Variants in COG5 observed in about 807,000 individuals in gnomAD.
The protein encoded by COG5 is conserved oligomeric Golgi complex subunit 5.
Under a neutral mutation model 110.4 loss-of-function variants are expected in COG5, and 86 were observed. The observed-to-expected ratio is 0.78, with a 90% CI of 0.65 to 0.93. The LOEUF (loss-of-function observed/expected upper bound fraction) is 0.93. Ranked by LOEUF, COG5 falls within the 40% of genes least tolerant of loss-of-function variation. The pLI is 0.00. For missense variants in COG5, 1,077 were observed against 987.0 expected, an observed-to-expected ratio of 1.09 and a Z score of -1.22; for synonymous variants, 360 against 334.6, an observed-to-expected ratio of 1.08 and a Z score of -0.83.
At chr7:107,430,841 T>C (rs1456191081) in intron 6 of COG5, among the ~76,000 whole-genome samples, 2 of 152,086 alleles carry the variant, frequency 1.3e-5, no homozygotes, top group South Asian at 2.1e-4. Flanking sequence ...GAGGTTATCC[T>C]GGATAGGCCC....
chr7:107,449,007 A>C (rs147121309), intron 6 of COG5, among the ~76,000 whole-genome samples: 89 of 152,338 alleles, frequency 5.8e-4, no homozygotes, highest in African/African-American at 2.0e-3. Flanking sequence ...CACCATTCAC[A>C]GTTGAGAAAA....
chr7:107,380,437 GA>G (rs950308409), intron 7 of COG5, among the ~76,000 whole-genome samples: 1 of 152,004 alleles, frequency 6.6e-6, no homozygotes, highest in African/African-American at 2.4e-5. Context: ...AAGAAGAAAA[GA>G]AAGAAGAATC....
chr7:107,202,371 T>C lies in COG5; in HGVS notation c.*1145A>G, dbSNP rs569879796. 1 of 152,754 alleles carries C rather than the reference T, an allele frequency of 6.5e-6. No homozygotes were observed. Among genetic ancestry groups the C allele is most frequent in the East Asian group, 1.9e-4 (1 of 5,188 alleles). 9.5% of individuals were successfully genotyped at this position (152,754 alleles called of 1,614,324 possible). The stretch of plus-strand genomic sequence containing the variant: ...TTTGCTCTGAGCTACAATCATGGCT[T>C]TTCATGTTACTTACCAAGTGGTGTT... On this transcript the variant is annotated 3_prime_UTR_variant, in exon 22 of 22. Transcript: ENST00000297135.
At chr7:107,510,292 A>C (rs1316044109) in intron 6 of COG5, among the ~76,000 whole-genome samples, 2 of 152,172 alleles carry the variant, frequency 1.3e-5, no homozygotes, top group African/African-American at 2.4e-5. Context: ...AGATCAAAAG[A>C]GACAAAGAAG....
chr7:107,236,810 A>G (rs1213456044), intron 17 of COG5, 123 bp from the exon 18 acceptor site: 5 of 731,932 alleles, frequency 6.8e-6, no homozygotes, highest in Non-Finnish European at 1.2e-5. Context: ...TTAATGGTAT[A>G]AAAGACATTA....
chr7:107,266,908 T>C (rs7803290), intron 14 of COG5, among the ~76,000 whole-genome samples: 24,464 of 152,182 alleles, frequency 0.16, 2,361 homozygotes, highest in Non-Finnish European at 0.22. Flanking sequence ...AAAGAGGTTT[T>C]TTACTAGCTA....
intron 7 of COG5, among the ~76,000 whole-genome samples, chr7:107,389,978 C>T (rs1790500863): frequency 6.6e-6 from 1 of 152,204 alleles, no homozygotes; most frequent in South Asian, 2.1e-4. Context: ...ATTTCTATTT[C>T]ACCCCAATAC....
intron 21 of COG5, among the ~76,000 whole-genome samples, chr7:107,204,873 T>C (rs1798643444): frequency 6.6e-6 from 1 of 152,210 alleles, no homozygotes; most frequent in Admixed American, 6.5e-5. Context: ...TCAAACTCAT[T>C]TGTCAAAAAA....
intron 6 of COG5, among the ~76,000 whole-genome samples, chr7:107,466,944 G>C (rs889883689): frequency 1.3e-5 from 2 of 152,184 alleles, no homozygotes; most frequent in African/African-American, 4.8e-5. Flanking sequence ...TACAAACTCA[G>C]AGAATCTTCA....
At chr7:107,486,583 A>G (rs968180916) in intron 6 of COG5, among the ~76,000 whole-genome samples, 1 of 152,220 alleles carries the variant, frequency 6.6e-6, no homozygotes, top group Non-Finnish European at 1.5e-5. Flanking sequence ...TATAAAAAAG[A>G]AAACACTAAA....
At chr7:107,311,315 GTCTC>G in intron 11 of COG5, among the ~76,000 whole-genome samples, 2 of 143,658 alleles carry the variant, frequency 1.4e-5, no homozygotes, top group East Asian at 4.2e-4. Flanking sequence ...GAGAAATAAT[GTCTC>G]TCTGTACGTT....
chr7:107,267,690 G>C (rs1803909626), intron 14 of COG5, among the ~76,000 whole-genome samples: 1 of 152,020 alleles, frequency 6.6e-6, no homozygotes, highest in South Asian at 2.1e-4. Flanking sequence ...ATTACTTTGA[G>C]GGATACAGAA....
chr7:107,290,825 C>T (rs1393518580), intron 12 of COG5, among the ~76,000 whole-genome samples: 3 of 149,576 alleles, frequency 2.0e-5, no homozygotes, highest in African/African-American at 2.4e-5. Flanking sequence ...GGGAAGGGGG[C>T]GTGGGGAGTG....
chr7:107,440,891 A>C (rs1486650492), intron 6 of COG5, among the ~76,000 whole-genome samples: 1 of 152,126 alleles, frequency 6.6e-6, no homozygotes, highest in Non-Finnish European at 1.5e-5. Context: ...CCTTTATTTT[A>C]AAACAACAAC....
chr7:107,458,340 T>G (rs1343906441), intron 6 of COG5, among the ~76,000 whole-genome samples: 3 of 152,080 alleles, frequency 2.0e-5, no homozygotes, highest in Admixed American at 1.3e-4. Flanking sequence ...CATAAACTTC[T>G]TAAAAAACTG....
intron 7 of COG5, among the ~76,000 whole-genome samples, chr7:107,409,705 G>A (rs1473955571): frequency 6.6e-6 from 1 of 152,186 alleles, no homozygotes; most frequent in Non-Finnish European, 1.5e-5. Context: ...AGGGCAGAAA[G>A]GATGGTGTGG....
At chr7:107,489,411 A>G (rs1312384750) in intron 6 of COG5, among the ~76,000 whole-genome samples, 1 of 152,176 alleles carries the variant, frequency 6.6e-6, no homozygotes, top group Non-Finnish European at 1.5e-5. Flanking sequence ...AGAAAGCTGT[A>G]TAGTTCACTC....
chr7:107,507,571 T>A (rs1297241275), intron 6 of COG5, among the ~76,000 whole-genome samples: 2 of 151,422 alleles, frequency 1.3e-5, no homozygotes, highest in African/African-American at 2.4e-5. Context: ...CCTCCCGAAG[T>A]GCTGGATTAC....
At chr7:107,388,516 C>T (rs1245014829) in intron 7 of COG5, among the ~76,000 whole-genome samples, 1 of 152,160 alleles carries the variant, frequency 6.6e-6, no homozygotes, top group Non-Finnish European at 1.5e-5. Flanking sequence ...GCCCACTCCA[C>T]CCTTAAAAAT....
Sources: allele counts gnomAD v4.1 joint callset (sites outside exome capture counted in the v4.1 genomes callset), GRCh38; gene constraint gnomAD v4.1.1; transcripts MANE v1.5; gene names NCBI Gene and HGNC (gene_info 2026-07-23, HGNC 2026-07-21).